UNC13C: variants seen among roughly 807,000 people sequenced by gnomAD.
UNC13C encodes protein unc-13 homolog C.
Under a neutral mutation model 245.4 loss-of-function variants are expected in UNC13C, and 174 were observed. The observed-to-expected ratio is 0.71, with a 90% CI of 0.63 to 0.80. The LOEUF is 0.80. UNC13C is among the 30% of genes least tolerant of loss of function. The pLI, the probability that UNC13C is intolerant of heterozygous loss-of-function variation, is 0.00. For missense variants in UNC13C, 2,829 were observed against 2,602.9 expected, an observed-to-expected ratio of 1.09 and a Z score of -1.89; for synonymous variants, 992 against 895.1, an observed-to-expected ratio of 1.11 and a Z score of -1.93.
intron 17 of UNC13C, among the ~76,000 whole-genome samples, chr15:54,361,884 C>G (rs1049750469): frequency 1.1e-4 from 16 of 151,160 alleles, no homozygotes; most frequent in African/African-American, 3.9e-4. Context: ...AATGCTATAC[C>G]AGAATTATAT....
intron 26 of UNC13C, among the ~76,000 whole-genome samples, chr15:54,539,831 G>A (rs1488657768): frequency 6.6e-6 from 1 of 151,828 alleles, no homozygotes; most frequent in Non-Finnish European, 1.5e-5. Flanking sequence ...AGATAAAATG[G>A]GTTGACTCTT....
the UNC13C span, among the ~76,000 whole-genome samples, chr15:53,890,835 T>A: frequency 3.3e-5 from 5 of 152,186 alleles, no homozygotes; most frequent in Non-Finnish European, 4.4e-5. Context: ...CATTGATTTT[T>A]TGATGGGTTT....
At chr15:53,961,901 G>A in the UNC13C span, among the ~76,000 whole-genome samples, 1 of 152,176 alleles carries the variant, frequency 6.6e-6, no homozygotes, top group Non-Finnish European at 1.5e-5. Context: ...AAAGAAGGCA[G>A]AGAAATTACA....
intron 17 of UNC13C, among the ~76,000 whole-genome samples, chr15:54,374,626 C>A (rs1315931955): frequency 6.6e-6 from 1 of 152,254 alleles, no homozygotes; most frequent in African/African-American, 2.4e-5. Context: ...TCTGAGCCTG[C>A]AGAGGAAGGG....
intron 23 of UNC13C, among the ~76,000 whole-genome samples, chr15:54,509,910 C>T (rs935839411): frequency 6.6e-6 from 1 of 152,118 alleles, no homozygotes; most frequent in African/African-American, 2.4e-5. Context: ...CGGATAACTG[C>T]ATCTCCTCTT....
chr15:54,237,558 G>A (rs1471951844), intron 6 of UNC13C, 61 bp from the exon 7 acceptor site: 1 of 1,251,842 alleles, frequency 8.0e-7, no homozygotes, highest in Non-Finnish European at 1.2e-6. Flanking sequence ...ACCTTCTGCT[G>A]AGCAGTATAT....
In UNC13C at chr15:54,014,662, T is replaced by C. The variant is rs754402524; in HGVS notation, c.1759T>C (p.Trp587Arg). The change falls in exon 2 of 33, where the codon TGG (tryptophan) becomes CGG (arginine). Residue 587 changes from tryptophan (W) to arginine (R), a missense_variant. Physicochemically the swap from Trp to Arg is moderately radical, Grantham distance 101 (BLOSUM62 -3). Transcript: ENST00000260323. ...SLLSSSDREL[W>R]QRKQEGTATL... ...CCTGTCATCTTCGGACCGGGAGCTA[T>C]GGCAGAGGAAACAGGAAGGAACAGC... The C allele has an allele frequency of 6.2e-7, 1 of 1,613,716 alleles. No individual in the cohort carries two copies. Among genetic ancestry groups the C allele is most frequent in the Non-Finnish European group, 8.5e-7 (1 of 1,179,804 alleles).
In UNC13C at chr15:54,014,079, A is replaced by G. The variant is rs1566949695; in HGVS notation, c.1176A>G (p.Lys392=). 6.2e-7 allele frequency: 1 copy of G among 1,613,684 alleles called. No individual in the cohort carries two copies. The highest frequency in any genetic ancestry group is 8.5e-7 in the Non-Finnish European group (1 of 1,179,862). ...ETPQQRDSVL[K]KSYKLKGTGI... Reference sequence around the variant, plus strand: ...CTCAACAAAGGGATTCTGTCTTAAAAAAGTCATATAAACTCAAAGGAACAG... The same window carrying G: ...CTCAACAAAGGGATTCTGTCTTAAAGAAGTCATATAAACTCAAAGGAACAG... Residue 392 remains lysine (K), a synonymous_variant, in exon 2 of 33, where the codon AAA becomes AAG. Transcript: ENST00000260323.
rs144662746 is a variant in UNC13C, at chr15:54,412,849, A to G, written c.4848-2133A>G. On this transcript the variant is annotated intron_variant, in intron 18 of 32. Coordinates refer to ENST00000260323, the MANE Select transcript of UNC13C (RefSeq NM_001080534.3). ...TGTTATGTAGAAATACTGAGAGTCA[A>G]CATCATCATCTTCATCCTTAAGTAT... is the stretch of plus-strand genomic sequence containing the variant. 5.3e-3 allele frequency among the ~76,000 whole-genome samples: 801 copies of G among 152,296 alleles called. 1 individual carries two copies. Among genetic ancestry groups the G allele is most frequent in the African/African-American group, 0.018 (748 of 41,574 alleles).
intron 1 of UNC13C, among the ~76,000 whole-genome samples, chr15:54,007,707 C>A (rs1895203271): frequency 6.6e-6 from 1 of 152,170 alleles, no homozygotes; most frequent in South Asian, 2.1e-4. Context: ...AGCAAACCAG[C>A]ATGGCACACA....
chr15:54,436,769 G>A (rs902898826), intron 19 of UNC13C, among the ~76,000 whole-genome samples: 8 of 151,776 alleles, frequency 5.3e-5, no homozygotes, highest in East Asian at 3.9e-4. Flanking sequence ...ACCATGGCAC[G>A]TGTATACCTA....
intron 3 of UNC13C, 84 bp from the exon 4 acceptor site, chr15:54,143,536 G>C: frequency 9.3e-7 from 1 of 1,074,094 alleles, no homozygotes; most frequent in Non-Finnish European, 1.4e-6. Flanking sequence ...TAGTGCAGCT[G>C]ACCTGTGTCC....
chr15:54,250,761 T>TCTTTCTTTC (rs2036129396), intron 8 of UNC13C, among the ~76,000 whole-genome samples: 11 of 63,138 alleles, frequency 1.7e-4, no homozygotes, highest in African/African-American at 6.8e-4. Context: ...TTTTTTTTTT[T>TCTTTCTTTC]TTTTTTTTTT....
the UNC13C span, among the ~76,000 whole-genome samples, chr15:53,889,550 C>A: frequency 6.6e-6 from 1 of 152,194 alleles, no homozygotes; most frequent in African/African-American, 2.4e-5. Flanking sequence ...TTATTTCTTT[C>A]TCTTGCCTGA....
At chr15:54,445,243 C>A (rs928772061) in intron 19 of UNC13C, among the ~76,000 whole-genome samples, 2 of 152,032 alleles carry the variant, frequency 1.3e-5, no homozygotes, top group African/African-American at 4.8e-5. Flanking sequence ...GGATCCAAGT[C>A]TTTGCTATTG....
chr15:54,466,787 T>C (rs1484456796), intron 19 of UNC13C, among the ~76,000 whole-genome samples: 3 of 151,896 alleles, frequency 2.0e-5, no homozygotes, highest in Non-Finnish European at 4.4e-5. Flanking sequence ...GGTATTATTT[T>C]AGTAATTTGA....
At chr15:54,073,909 TTTG>T (rs1898459132) in intron 2 of UNC13C, among the ~76,000 whole-genome samples, 1 of 152,212 alleles carries the variant, frequency 6.6e-6, no homozygotes, top group Non-Finnish European at 1.5e-5. Flanking sequence ...AATTTTAGCT[TTTG>T]TTGCCGTTGT....
chr15:54,421,174 G>A (rs912505835), intron 19 of UNC13C, among the ~76,000 whole-genome samples: 3 of 151,692 alleles, frequency 2.0e-5, no homozygotes, highest in African/African-American at 7.3e-5. Context: ...TATTGCAATT[G>A]AATGGAAGAG....
At chr15:54,167,500 C>CAAAAAAAAAAAAAAAAA (rs67762910) in intron 4 of UNC13C, among the ~76,000 whole-genome samples, 1 of 90,652 alleles carries the variant, frequency 1.1e-5, no homozygotes, top group Non-Finnish European at 2.2e-5. Flanking sequence ...ACACTCGTCT[C>CAAAAAAAAAAAAAAAAA]AAAAAAAAAA....
Sources: gnomAD v4.1 joint callset for allele counts (sites outside exome capture counted in the v4.1 genomes callset) on GRCh38, gnomAD v4.1.1 for gene constraint, MANE v1.5 for transcripts, NCBI Gene and HGNC (gene_info 2026-07-23, HGNC 2026-07-21) for gene names.